TTC19: variants seen among roughly 807,000 people sequenced by gnomAD.
The protein encoded by TTC19 is tetratricopeptide repeat protein 19, mitochondrial.
In TTC19, 38 loss-of-function variants were observed where a neutral mutation model predicts 49.5. The ratio of observed to expected loss-of-function variants is 0.77; its 90% CI spans 0.59 to 1.01. The LOEUF (loss-of-function observed/expected upper bound fraction) is 1.01, where lower values mean the gene tolerates loss of function less well. TTC19 is among the 50% of genes least tolerant of loss of function. TTC19 has a pLI of 0.00. For missense variants in TTC19, 475 were observed against 477.7 expected (o/e 0.99, Z 0.05); for synonymous variants, 204 against 185.2 (o/e 1.10, Z -0.83).
chr17:16,020,612 CTA>C (rs1567584846), intron 7 of TTC19, among the ~76,000 whole-genome samples: 2 of 152,022 alleles, frequency 1.3e-5, no homozygotes, highest in African/African-American at 2.4e-5. Flanking sequence ...GTAATTATAA[CTA>C]TTTTTAGTTT....
chr17:16,030,075 T>G (rs958450750), downstream of TTC19: 2 of 177,572 alleles, frequency 1.1e-5, no homozygotes, highest in African/African-American at 4.7e-5. Flanking sequence ...ACCAGAAGTC[T>G]TACGGATAAC....
intron 7 of TTC19, among the ~76,000 whole-genome samples, chr17:16,021,887 T>A (rs1971395596): frequency 1.3e-5 from 2 of 152,206 alleles, no homozygotes; most frequent in South Asian, 4.1e-4. Context: ...TAGTTTTGTG[T>A]CTTCCAGGCA....
At chr17:16,039,288 C>T (rs757220323) in intron 2 of TTC19, 4 of 789,280 alleles carry the variant, frequency 5.1e-6, no homozygotes, top group South Asian at 2.0e-5. Flanking sequence ...TTTCAAAAAC[C>T]TTTTTTAAGT....
rs1268474238 is a variant in TTC19, at chr17:16,029,240, G to A, written c.*1718G>A. 2 of 453,840 alleles carry A rather than the reference G, an allele frequency of 4.4e-6. No homozygotes were observed. The highest frequency in any genetic ancestry group is 8.8e-6 in the Non-Finnish European group (2 of 226,702). The allele number at this position is 453,840 out of a possible 1,614,324, so 28.1% of individuals were successfully genotyped here. A position where few individuals can be genotyped will look rare whatever the true frequency, so the allele number is the denominator to read the frequency against. ...CATGGTCTCGTTGTTGGAAACACTA[G>A]GAGTTTTCAGGACAGTCTCTTCATG... On this transcript the variant is annotated 3_prime_UTR_variant, in exon 10 of 10. Coordinates refer to ENST00000261647, the MANE Select transcript of TTC19 (RefSeq NM_017775.4).
At chr17:16,044,587 G>A (rs376496381) in exon 3 of TTC19, 14 of 543,514 alleles carry the variant, frequency 2.6e-5, no homozygotes, top group Middle Eastern at 3.0e-4. Context: ...CTACCACCAC[G>A]TCCGGCAGCG....
chr17:16,001,012 A>G lies in TTC19; in HGVS notation c.312+767A>G, dbSNP rs187022069. On this transcript the variant is annotated intron_variant, in intron 2 of 9. Transcript: ENST00000261647. ...GCCAACAAATGCAAAATATTTCTCAAATCTTTCCCCTTTTGTCTATCTCCC... is the reference window on the plus strand; with the variant it reads ...GCCAACAAATGCAAAATATTTCTCAGATCTTTCCCCTTTTGTCTATCTCCC... 1.8e-4 allele frequency among the ~76,000 whole-genome samples: 28 copies of G among 152,186 alleles called. No homozygotes were observed. The East Asian group carries it at 5.4e-3, about 29-fold the overall frequency.
intron 7 of TTC19, among the ~76,000 whole-genome samples, chr17:16,021,215 G>A (rs1005926637): frequency 4.6e-5 from 7 of 152,030 alleles, no homozygotes; most frequent in Non-Finnish European, 7.4e-5. Flanking sequence ...GTGAAACCCC[G>A]TCTCTAATAA....
At chr17:16,006,370 A>G in intron 6 of TTC19, 104 bp from the exon 7 acceptor site, 1 of 846,420 alleles carries the variant, frequency 1.2e-6, no homozygotes, top group South Asian at 1.3e-5. Flanking sequence ...AGGTCACGCC[A>G]TTGCACTCCA....
chr17:16,023,060 G>T (rs557314629), intron 7 of TTC19, among the ~76,000 whole-genome samples: 1 of 152,146 alleles, frequency 6.6e-6, no homozygotes, highest in Admixed American at 6.5e-5. Context: ...AACTCTTTGG[G>T]GGAACTTTAT....
In TTC19 at chr17:16,037,604, C is replaced by A. The variant is rs373712571; in HGVS notation, c.248-6899C>A. On this transcript the variant is annotated intron_variant, in intron 2 of 2. Transcript: ENST00000470649. ...TACAGAAACTACTAAAGAAAGAAGG[C>A]AGGGTGACAAAAATCATACTTCACT... 5.9e-5 allele frequency among the ~76,000 whole-genome samples: 9 copies of A among 152,240 alleles called. No individual in the cohort carries two copies. In the South Asian group the frequency reaches 1.5e-3, roughly 25 times the overall value.
intron 2 of TTC19, chr17:16,039,853 C>T (rs556151801): frequency 2.1e-4 from 112 of 526,022 alleles, no homozygotes; most frequent in Middle Eastern, 1.6e-3. Context: ...TGCAGTGGCG[C>T]GATCTTGGCT....
chr17:16,019,318 G>A (rs891573815), intron 7 of TTC19, among the ~76,000 whole-genome samples: 1 of 152,222 alleles, frequency 6.6e-6, no homozygotes, highest in Non-Finnish European at 1.5e-5. Context: ...GGGTGACAGA[G>A]TGAAGACTCC....
intron 2 of TTC19, among the ~76,000 whole-genome samples, chr17:16,034,445 G>A (rs1015379150): frequency 3.3e-5 from 5 of 151,832 alleles, no homozygotes; most frequent in African/African-American, 1.2e-4. Flanking sequence ...AAATTAAAAT[G>A]AAAATGAAAA....
Position 16,027,656 on chromosome 17 carries a change from A to G in TTC19, c.*134A>G, listed in dbSNP as rs1567588816. 1 of 1,056,910 alleles carries G rather than the reference A, an allele frequency of 9.5e-7. No homozygotes were observed. The highest frequency in any genetic ancestry group is 2.7e-4 in the Middle Eastern group (1 of 3,688). The allele number at this position is 1,056,910 out of a possible 1,614,324, so 65.5% of individuals were successfully genotyped here. Reference sequence around the variant, plus strand: ...AGGTTTCCTCAATTTAGCCTTAGTGAAGGAGGGGTTGTACACACTGCCATT... The same window carrying G: ...AGGTTTCCTCAATTTAGCCTTAGTGGAGGAGGGGTTGTACACACTGCCATT... On this transcript the variant is annotated 3_prime_UTR_variant, in exon 10 of 10. Transcript: ENST00000261647.
At chr17:16,027,345 T>G in intron 9 of TTC19, 29 bp from the exon 10 acceptor site, 1 of 1,613,212 alleles carries the variant, frequency 6.2e-7, no homozygotes, top group Middle Eastern at 1.7e-4. Flanking sequence ...ACTTTCTTCT[T>G]ACTGTCCCTT....
At chr17:16,008,384 G>C (rs1970972753) in intron 7 of TTC19, among the ~76,000 whole-genome samples, 1 of 152,000 alleles carries the variant, frequency 6.6e-6, no homozygotes, top group Admixed American at 6.6e-5. Flanking sequence ...TAGTTGCTTT[G>C]GCCAAGAACC....
intron 2 of TTC19, chr17:16,039,260 TATA>T (rs769115225): frequency 3.2e-5 from 20 of 628,116 alleles, no homozygotes; most frequent in Non-Finnish European, 4.1e-5. Flanking sequence ...CTGTTCATAT[TATA>T]ATGTCTGGGT....
At chr17:16,024,416 C>G (rs531729722) in intron 7 of TTC19, 1 of 153,750 alleles carries the variant, frequency 6.5e-6, no homozygotes, top group East Asian at 1.9e-4. Context: ...CTGCCTCAGC[C>G]TCCTGAGTAG....
chr17:16,028,578 A>C lies in TTC19; in HGVS notation c.*1056A>C. ...TGTCTCAAAGTATGTAAAGATACATAGGTGGATGCTCTTACTGCAGCAGTC... is the reference window on the plus strand; with the variant it reads ...TGTCTCAAAGTATGTAAAGATACATCGGTGGATGCTCTTACTGCAGCAGTC... On this transcript the variant is annotated 3_prime_UTR_variant, in exon 10 of 10. Coordinates refer to ENST00000261647, the MANE Select transcript of TTC19 (RefSeq NM_017775.4). 1 of 454,058 alleles carries C rather than the reference A, an allele frequency of 2.2e-6. No individual in the cohort carries two copies. The highest frequency in any genetic ancestry group is 4.4e-6 in the Non-Finnish European group (1 of 226,788). 28.1% of individuals were successfully genotyped at this position (454,058 alleles called of 1,614,324 possible).
Sources: gnomAD v4.1 joint callset for allele counts (sites outside exome capture counted in the v4.1 genomes callset) on GRCh38, gnomAD v4.1.1 for gene constraint, MANE v1.5 for transcripts, NCBI Gene and HGNC (gene_info 2026-07-23, HGNC 2026-07-21) for gene names.